Variants in PLXNA4 observed in about 807,000 individuals in gnomAD.
PLXNA4 encodes the protein plexin A4.
In PLXNA4, 44 loss-of-function variants were observed where a neutral mutation model predicts 191.8. That is an observed-to-expected ratio of 0.23 (90% CI 0.18 to 0.29). The LOEUF (loss-of-function observed/expected upper bound fraction) is 0.29. Among genes scored for constraint, PLXNA4 ranks in the 10% least tolerant of loss-of-function variants. The pLI is 1.00. For synonymous variants in PLXNA4, 1,082 were observed against 1,009.5 expected, an observed-to-expected ratio of 1.07 and a Z score of -1.36; for missense variants, 1,800 against 2,488.8, an observed-to-expected ratio of 0.72 and a Z score of 5.89.
intron 20 of PLXNA4, among the ~76,000 whole-genome samples, chr7:132,178,930 CGCAT>C (rs1796584970): frequency 7.0e-6 from 1 of 143,132 alleles, no homozygotes; most frequent in Non-Finnish European, 1.5e-5. Context: ...GAAACACATA[CGCAT>C]ACACACACGT....
At chr7:132,647,005 TCA>T (rs1370057099) in intron 1 of PLXNA4, among the ~76,000 whole-genome samples, 1 of 135,018 alleles carries the variant, frequency 7.4e-6, no homozygotes, top group Non-Finnish European at 1.6e-5. Context: ...ACACATACAC[TCA>T]CACATACACC....
At chr7:132,368,404 G>A (rs531376927) in intron 3 of PLXNA4, among the ~76,000 whole-genome samples, 17 of 152,138 alleles carry the variant, frequency 1.1e-4, no homozygotes, top group South Asian at 4.1e-4. Flanking sequence ...GCTCCCTGTC[G>A]CTCTCCTTCC....
At chr7:132,513,886 G>A (rs1272960963) in intron 1 of PLXNA4, among the ~76,000 whole-genome samples, 1 of 151,968 alleles carries the variant, frequency 6.6e-6, no homozygotes, top group Non-Finnish European at 1.5e-5. Context: ...TGTTGGGTCA[G>A]GCTAGTCTTG....
chr7:132,581,421 TA>T (rs900875698), upstream of PLXNA4, among the ~76,000 whole-genome samples: 2 of 152,306 alleles, frequency 1.3e-5, no homozygotes, highest in African/African-American at 4.8e-5. Context: ...TCTGCTCAGA[TA>T]AAACTTTGGC....
intron 3 of PLXNA4, among the ~76,000 whole-genome samples, chr7:132,403,863 C>A (rs1794100332): frequency 6.6e-6 from 1 of 152,124 alleles, no homozygotes; most frequent in Admixed American, 6.5e-5. Flanking sequence ...TTTTGGTGTC[C>A]TGTCCTCCTT....
At chr7:132,156,701 A>G (rs1795809619) in intron 25 of PLXNA4, among the ~76,000 whole-genome samples, 1 of 152,232 alleles carries the variant, frequency 6.6e-6, no homozygotes, top group Non-Finnish European at 1.5e-5. Flanking sequence ...AAATAGTCAC[A>G]CCTTACATTT....
At chr7:132,594,165 C>T (rs919462332) in intron 2 of PLXNA4, among the ~76,000 whole-genome samples, 3 of 152,224 alleles carry the variant, frequency 2.0e-5, no homozygotes, top group Non-Finnish European at 2.9e-5. Flanking sequence ...AGATGTAATT[C>T]GTTAAGATGA....
chr7:132,238,116 T>A (rs1436706928), intron 5 of PLXNA4, among the ~76,000 whole-genome samples: 3 of 152,220 alleles, frequency 2.0e-5, no homozygotes, highest in African/African-American at 7.2e-5. Context: ...GTGTGCCTTA[T>A]GGAGAAAATA....
intron 2 of PLXNA4, among the ~76,000 whole-genome samples, chr7:132,599,065 A>G (rs191991701): frequency 1.8e-4 from 28 of 152,274 alleles, no homozygotes; most frequent in African/African-American, 6.5e-4. Context: ...TCTTAACTGT[A>G]TATTTGCTCC....
At chr7:132,426,704 A>T (rs562259777) in intron 3 of PLXNA4, among the ~76,000 whole-genome samples, 1 of 152,304 alleles carries the variant, frequency 6.6e-6, no homozygotes, top group East Asian at 1.9e-4. Flanking sequence ...AAAGCCCAGA[A>T]CATGCATTCT....
chr7:132,149,757 T>C (rs2116582735), intron 25 of PLXNA4, among the ~76,000 whole-genome samples: 1 of 152,300 alleles, frequency 6.6e-6, no homozygotes, highest in Admixed American at 6.5e-5. Flanking sequence ...GGCCTGGCAG[T>C]CACTGCTTGA....
At chr7:132,557,772 T>C (rs941772234) in intron 1 of PLXNA4, among the ~76,000 whole-genome samples, 3 of 152,152 alleles carry the variant, frequency 2.0e-5, no homozygotes, top group African/African-American at 7.2e-5. Flanking sequence ...GGAAGAATAA[T>C]CACCAAGACA....
intron 1 of PLXNA4, among the ~76,000 whole-genome samples, chr7:132,566,667 A>G (rs1296448841): frequency 6.6e-6 from 1 of 152,228 alleles, no homozygotes; most frequent in East Asian, 1.9e-4. Flanking sequence ...GCAAACATCC[A>G]TCTTGATCTG....
chr7:132,425,538 C>T (rs1795009874), intron 3 of PLXNA4, among the ~76,000 whole-genome samples: 1 of 152,088 alleles, frequency 6.6e-6, no homozygotes, highest in Non-Finnish European at 1.5e-5. Context: ...CTCATCAGAT[C>T]CCCACCTCTC....
At chr7:132,340,882 T>A (rs1446885017) in intron 3 of PLXNA4, among the ~76,000 whole-genome samples, 3 of 152,202 alleles carry the variant, frequency 2.0e-5, no homozygotes, top group African/African-American at 7.2e-5. Context: ...TTCACCATGT[T>A]GGCCAGGCTG....
At chr7:132,156,169 C>CACACACACAG (rs1795790141) in intron 25 of PLXNA4, among the ~76,000 whole-genome samples, 1 of 151,648 alleles carries the variant, frequency 6.6e-6, no homozygotes, top group African/African-American at 2.4e-5. Flanking sequence ...CACACACACA[C>CACACACACAG]ACACACACAC....
At chr7:132,454,556 T>C (rs1255647565) in intron 3 of PLXNA4, among the ~76,000 whole-genome samples, 1 of 152,010 alleles carries the variant, frequency 6.6e-6, no homozygotes, top group Non-Finnish European at 1.5e-5. Flanking sequence ...CCCCCAACCA[T>C]GTCACTGCCT....
At chr7:132,167,043 ACAGGCAGACAG>A (rs1796143616) in intron 22 of PLXNA4, among the ~76,000 whole-genome samples, 1 of 152,162 alleles carries the variant, frequency 6.6e-6, no homozygotes, top group African/African-American at 2.4e-5. Flanking sequence ...AGTCTGGGGG[ACAGGCAGACAG>A]CAGGCAGACA....
chr7:132,339,520 C>T (rs999465193), intron 3 of PLXNA4, among the ~76,000 whole-genome samples: 1 of 152,128 alleles, frequency 6.6e-6, no homozygotes, highest in African/African-American at 2.4e-5. Context: ...TTTCTCCTTG[C>T]CAAGATATTT....
Sources: gnomAD v4.1 joint callset for allele counts (sites outside exome capture counted in the v4.1 genomes callset) on GRCh38, gnomAD v4.1.1 for gene constraint, MANE v1.5 for transcripts, NCBI Gene and HGNC (gene_info 2026-07-23, HGNC 2026-07-21) for gene names.